Variants in TCERG1 observed in about 807,000 individuals in gnomAD.
TCERG1 encodes the protein transcription elongation regulator 1.
In TCERG1, 37 loss-of-function variants were observed where a neutral mutation model predicts 144.7. The ratio of observed to expected loss-of-function variants is 0.26; its 90% CI spans 0.20 to 0.34. The LOEUF is 0.34. Ranked by LOEUF, TCERG1 falls within the 10% of genes least tolerant of loss-of-function variation. The pLI, the probability that TCERG1 is intolerant of heterozygous loss-of-function variation, is 1.00. For missense variants in TCERG1, 1,027 were observed against 1,380.7 expected (o/e 0.74, Z 4.06); for synonymous variants, 492 against 458.2 (o/e 1.07, Z -0.94).
At chr5:146,459,562 G>C (rs184467225) in intron 4 of TCERG1, among the ~76,000 whole-genome samples, 33 of 152,354 alleles carry the variant, frequency 2.2e-4, no homozygotes, top group African/African-American at 7.7e-4. Flanking sequence ...AATTGAGAAA[G>C]TGCAAAGTTA....
chr5:146,461,379 CTT>C (rs566447275), intron 4 of TCERG1, among the ~76,000 whole-genome samples: 119 of 152,176 alleles, frequency 7.8e-4, no homozygotes, highest in African/African-American at 2.7e-3. Context: ...AGTCACTTGT[CTT>C]TTTTAGTTAA....
chr5:146,477,684 GT>G lies in TCERG1; in HGVS notation c.1602-808del, dbSNP rs1764968510. The stretch of plus-strand genomic sequence containing the variant: ...AGTGTATGATGCCCTAGTGCAATTG[GT>G]ACTTTACTTTTTTTTTTTTTTTTTT... On this transcript the variant is annotated intron_variant, in intron 9 of 22. Coordinates refer to ENST00000679501, the MANE Select transcript of TCERG1 (RefSeq NM_001382548.1). Among the ~76,000 whole-genome samples the G allele has an allele frequency of 2.1e-5, 3 of 139,896 alleles. No individual in the cohort carries two copies. In the South Asian group the frequency reaches 6.8e-4, roughly 32 times the overall value. 91.8% of individuals were successfully genotyped at this position (139,896 alleles called of 152,430 possible).
chr5:146,508,960 G>A (rs1200759897), intron 21 of TCERG1, among the ~76,000 whole-genome samples, 185 bp from the exon 22 acceptor site: 1 of 152,158 alleles, frequency 6.6e-6, no homozygotes, highest in South Asian at 2.1e-4. Flanking sequence ...CCGCAAAAAT[G>A]AGCCTTGCAA....
At chr5:146,459,914 TCTGAG>T (rs1763190224) in intron 4 of TCERG1, among the ~76,000 whole-genome samples, 1 of 152,144 alleles carries the variant, frequency 6.6e-6, no homozygotes, top group African/African-American at 2.4e-5. Context: ...TTAGGAAACT[TCTGAG>T]GTGAGAGGGT....
Position 146,478,518 on chromosome 5 carries a change from C to T in TCERG1, c.1627C>T (p.Arg543Trp), listed in dbSNP as rs757647934. 1.2e-6 allele frequency: 2 copies of T among 1,605,644 alleles called. No individual in the cohort carries two copies. Among genetic ancestry groups the T allele is most frequent in the Admixed American group, 1.7e-5 (1 of 57,584 alleles). ...GTGTGTCGTTTGGACTGGTGATGAG[C>T]GGGTCTTCTTTTATAATCCCACCAC... ...PWCVVWTGDE[R>W]VFFYNPTTRL... Residue 543 changes from arginine (R) to tryptophan (W), a missense_variant, in exon 10 of 23, where the codon CGG becomes TGG. Coordinates refer to ENST00000679501, the MANE Select transcript of TCERG1 (RefSeq NM_001382548.1).
chr5:146,493,134 G>T, intron 16 of TCERG1, 96 bp downstream of exon 16: 1 of 910,566 alleles, frequency 1.1e-6, no homozygotes, highest in South Asian at 1.7e-5. Context: ...TTGACTATTT[G>T]GGCACTAAAA....
At chr5:146,471,066 T>C (rs1407141011) in intron 8 of TCERG1, among the ~76,000 whole-genome samples, 2 of 152,250 alleles carry the variant, frequency 1.3e-5, no homozygotes, top group African/African-American at 2.4e-5. Flanking sequence ...ATGTTAGATA[T>C]ATTTTATCTG....
chr5:146,496,655 T>G (rs930113736), intron 16 of TCERG1, among the ~76,000 whole-genome samples: 1 of 152,112 alleles, frequency 6.6e-6, no homozygotes, highest in Non-Finnish European at 1.5e-5. Flanking sequence ...CTTTGATTCT[T>G]TCAGTGTAAT....
At chr5:146,460,448 T>C (rs1763244287) in intron 4 of TCERG1, among the ~76,000 whole-genome samples, 1 of 151,760 alleles carries the variant, frequency 6.6e-6, no homozygotes, top group Admixed American at 6.6e-5. Context: ...GATTATTTGT[T>C]ATGGCACTTG....
At chr5:146,458,549 T>C (rs1371830783) in intron 3 of TCERG1, among the ~76,000 whole-genome samples, 1 of 151,962 alleles carries the variant, frequency 6.6e-6, no homozygotes. Context: ...CTCGGCGCAC[T>C]GCAGCCTCCA....
At chr5:146,508,020 C>T (rs1282217890) in intron 21 of TCERG1, 64 bp downstream of exon 21, 3 of 1,154,770 alleles carry the variant, frequency 2.6e-6, no homozygotes, top group African/African-American at 3.1e-5. Flanking sequence ...GGCCTAACAG[C>T]ACTACTATCT....
intron 1 of TCERG1, among the ~76,000 whole-genome samples, chr5:146,453,474 A>G (rs1436122597): frequency 6.6e-6 from 1 of 152,222 alleles, no homozygotes; most frequent in African/African-American, 2.4e-5. Flanking sequence ...AGTATTTTCT[A>G]AGAATAGAGA....
intron 5 of TCERG1, among the ~76,000 whole-genome samples, chr5:146,465,114 G>C (rs150610611): frequency 6.6e-6 from 1 of 152,298 alleles, no homozygotes; most frequent in Admixed American, 6.5e-5. Context: ...AAGACAAGCA[G>C]CTGGATACTT....
rs368829751 is a variant in TCERG1 at position 146,475,910 on chromosome 5, A to G, written c.1602-2583A>G. ...TTGAGTATTATTCATAGGTTTAAAT[A>G]TATTTTCTATGTTTTTAATCTATTG... is the stretch of plus-strand genomic sequence containing the variant. On this transcript the variant is annotated intron_variant, in intron 9 of 22. Coordinates refer to ENST00000679501, the MANE Select transcript of TCERG1 (RefSeq NM_001382548.1). Among the ~76,000 whole-genome samples the G allele has an allele frequency of 6.4e-4, 98 of 152,198 alleles. 1 individual carries two copies. The South Asian group carries it at 0.019, about 29-fold the overall frequency.
intron 1 of TCERG1, among the ~76,000 whole-genome samples, chr5:146,453,341 T>C (rs985501417): frequency 9.2e-5 from 14 of 152,038 alleles, no homozygotes; most frequent in Admixed American, 7.2e-4. Context: ...AAAGCTAGGG[T>C]GTTATTCAAT....
intron 7 of TCERG1, 56 bp downstream of exon 7, chr5:146,469,800 G>A (rs973334896): frequency 1.0e-5 from 12 of 1,204,696 alleles, no homozygotes; most frequent in Non-Finnish European, 1.3e-5. Flanking sequence ...AAGTAGAATG[G>A]TATTTGAAAT....
Position 146,509,254 on chromosome 5 carries a change from A to G in TCERG1, c.3146+9A>G, listed in dbSNP as rs375071980. The G allele has an allele frequency of 1.1e-4, 166 of 1,574,052 alleles. 3 individuals carry two copies. In the South Asian group the frequency reaches 1.8e-3, roughly 17 times the overall value. On this transcript the variant is annotated intron_variant, in intron 22 of 22. Transcript: ENST00000679501. ...AAATTTATAACATATAGGTGTGTGC[A>G]ATGAAATGTTTCATATTGGCAGTCA...
chr5:146,464,028 A>G (rs1005418565), intron 5 of TCERG1, among the ~76,000 whole-genome samples: 7 of 152,212 alleles, frequency 4.6e-5, no homozygotes, highest in Admixed American at 3.3e-4. Flanking sequence ...CTTATTTTGG[A>G]TAATGCCCTC....
chr5:146,469,584 A>G lies in TCERG1; in HGVS notation c.1239A>G (p.Ile413Met), dbSNP rs1435893266. 1 of 1,612,632 alleles carries G rather than the reference A, an allele frequency of 6.2e-7. No individual in the cohort carries two copies. The highest frequency in any genetic ancestry group is 8.5e-7 in the Non-Finnish European group (1 of 1,179,288). The change falls in exon 7 of 23, where the codon ATA becomes ATG. Residue 413 changes from isoleucine to methionine, a missense_variant. Around this residue, in one of 6 missense-constraint regions of TCERG1, gnomAD observed 482 missense variants for 632.6 expected, o/e 0.76. Transcript: ENST00000679501. Reference sequence around the variant, plus strand: ...TGGCCCCTCCTATCGTACCCATGATACATCCCCAGGTTGCTATTGCAGCTT... The same window carrying G: ...TGGCCCCTCCTATCGTACCCATGATGCATCCCCAGGTTGCTATTGCAGCTT... ...PGMAPPIVPM[I>M]HPQVAIAASP...
Sources: allele counts gnomAD v4.1 joint callset (sites outside exome capture counted in the v4.1 genomes callset), GRCh38; gene constraint gnomAD v4.1.1; regional missense constraint gnomAD v4.1.1; transcripts MANE v1.5; gene names NCBI Gene and HGNC (gene_info 2026-07-23, HGNC 2026-07-21).